ANKRD44: variants seen among roughly 807,000 people sequenced by gnomAD.
ANKRD44 encodes the protein serine/threonine-protein phosphatase 6 regulatory ankyrin repeat subunit B.
A neutral mutation model predicts 116.0 loss-of-function variants in ANKRD44; 35 were observed. The ratio of observed to expected loss-of-function variants is 0.30; its 90% CI spans 0.23 to 0.40. The LOEUF is 0.40. ANKRD44 is among the 10% of genes least tolerant of loss of function. The pLI is 1.00. For synonymous variants in ANKRD44, 435 were observed against 461.8 expected, an observed-to-expected ratio of 0.94 and a Z score of 0.74; for missense variants, 1,014 against 1,242.6, an observed-to-expected ratio of 0.82 and a Z score of 2.77.
chr2:197,155,751 G>A (rs952411820), intron 2 of ANKRD44, among the ~76,000 whole-genome samples: 10 of 152,150 alleles, frequency 6.6e-5, no homozygotes, highest in African/African-American at 2.4e-4. Context: ...TTCACCTTGG[G>A]TTAAGCAAAG....
intron 17 of ANKRD44, among the ~76,000 whole-genome samples, chr2:197,021,010 A>C (rs975767251): frequency 4.0e-5 from 6 of 151,556 alleles, no homozygotes; most frequent in Admixed American, 2.6e-4. Context: ...AAGTGTTTTC[A>C]TTGTTCAGTT....
At chr2:196,976,651 G>A (rs1262150977) in intron 21 of ANKRD44, among the ~76,000 whole-genome samples, 1 of 152,116 alleles carries the variant, frequency 6.6e-6, no homozygotes, top group African/African-American at 2.4e-5. Context: ...TGGATTGCTT[G>A]AGCCCAGGAG....
At position 197,186,736 on chromosome 2, in the gene ANKRD44, T is replaced by C. The variant is rs547098925; in HGVS notation, c.111+287A>G. Among the ~76,000 whole-genome samples, 236 of 144,802 alleles carry C rather than the reference T, an allele frequency of 1.6e-3. 1 individual carries two copies. The highest frequency in any genetic ancestry group is 5.5e-3 in the African/African-American group (225 of 40,580). 95.0% of individuals were successfully genotyped at this position (144,802 alleles called of 152,430 possible). On this transcript the variant is annotated intron_variant, in intron 2 of 27. Transcript: ENST00000282272. ...TCAGCCTCCCAAAATTCTGGGATTATAGGCATGAACCACTGCGCCCAGCCT... is the reference window on the plus strand; with the variant it reads ...TCAGCCTCCCAAAATTCTGGGATTACAGGCATGAACCACTGCGCCCAGCCT...
At chr2:196,973,000 G>T (rs187351872) in intron 21 of ANKRD44, among the ~76,000 whole-genome samples, 37 of 152,194 alleles carry the variant, frequency 2.4e-4, no homozygotes, top group African/African-American at 7.9e-4. Context: ...TAAAATAAAG[G>T]TGCATCCTTC....
At chr2:197,025,336 A>G in intron 16 of ANKRD44, 69 bp from the exon 17 acceptor site, 1 of 1,286,672 alleles carries the variant, frequency 7.8e-7, no homozygotes, top group Non-Finnish European at 1.1e-6. Context: ...TAAATGAGAA[A>G]AGAGGTTTCA....
At chr2:197,302,599 G>T (rs1481195643) in intron 1 of ANKRD44, 1 of 152,142 alleles carries the variant, frequency 6.6e-6, no homozygotes, top group East Asian at 1.9e-4. Flanking sequence ...CACAATAATT[G>T]GTTGGTTGAT....
intron 4 of ANKRD44, 161 bp downstream of exon 4, chr2:197,136,431 G>T: frequency 1.5e-6 from 1 of 661,752 alleles, no homozygotes; most frequent in Non-Finnish European, 2.7e-6. Context: ...ACTATGTCTG[G>T]CACACAGGAG....
chr2:197,215,157 T>A (rs988843292), intron 1 of ANKRD44, among the ~76,000 whole-genome samples: 24 of 151,986 alleles, frequency 1.6e-4, no homozygotes, highest in Non-Finnish European at 1.6e-4. Flanking sequence ...ATTACAGGAG[T>A]CAGCCACCAT....
intron 8 of ANKRD44, among the ~76,000 whole-genome samples, chr2:197,112,628 A>G (rs963968149): frequency 1.3e-5 from 2 of 151,854 alleles, no homozygotes; most frequent in Admixed American, 6.6e-5. Flanking sequence ...GAATGGCGTG[A>G]ACCCGGGAGG....
At chr2:196,967,624 C>A (rs529524411) in intron 21 of ANKRD44, among the ~76,000 whole-genome samples, 1 of 152,270 alleles carries the variant, frequency 6.6e-6, no homozygotes, top group South Asian at 2.1e-4. Context: ...CCGGTACAAA[C>A]TAGTTCTTTA....
At chr2:197,307,690 T>C (rs80187781) in intron 1 of ANKRD44, among the ~76,000 whole-genome samples, 1,602 of 152,250 alleles carry the variant, frequency 0.011, 11 homozygotes, top group African/African-American at 0.018. Context: ...ACTGCTGAAG[T>C]AGTGTCTGCT....
chr2:197,006,040 C>T (rs977411484), intron 20 of ANKRD44, 130 bp from the exon 21 acceptor site: 23 of 795,176 alleles, frequency 2.9e-5, no homozygotes, highest in Non-Finnish European at 4.5e-5. Context: ...AGACTCTGTC[C>T]TATTTCAAGG....
chr2:197,059,557 G>A (rs1334305025), intron 16 of ANKRD44, among the ~76,000 whole-genome samples: 1 of 152,182 alleles, frequency 6.6e-6, no homozygotes, highest in Non-Finnish European at 1.5e-5. Flanking sequence ...ATTAAAAGAA[G>A]CAGCACAGAT....
chr2:197,210,729 G>T (rs560778215), intron 1 of ANKRD44, among the ~76,000 whole-genome samples: 179 of 152,298 alleles, frequency 1.2e-3, no homozygotes, highest in African/African-American at 4.0e-3. Flanking sequence ...AATGGCATGT[G>T]TCATCCTCCT....
Position 196,989,513 on chromosome 2 carries a change from C to CAT in ANKRD44, c.*77_*78insAT. 6.9e-7 allele frequency: 1 copy of CAT among 1,447,272 alleles called. No individual in the cohort carries two copies. The highest frequency in any genetic ancestry group is 9.2e-7 in the Non-Finnish European group (1 of 1,091,890). 89.7% of individuals were successfully genotyped at this position (1,447,272 alleles called of 1,614,324 possible). On this transcript the variant is annotated 3_prime_UTR_variant, in exon 28 of 28. Coordinates refer to ENST00000282272, the MANE Select transcript of ANKRD44 (RefSeq NM_001195144.2). ...ATGTGTAGCTGGCTGATGAACTACA[C>CAT]ACACACACACATATATATATATATA...
chr2:197,010,501 G>A (rs6434898), intron 18 of ANKRD44, among the ~76,000 whole-genome samples: 11,954 of 152,234 alleles, frequency 0.079, 606 homozygotes, highest in African/African-American at 0.14. Flanking sequence ...CGGCTGGGGC[G>A]GGAGCACTGG....
chr2:197,304,771 C>T (rs2084019140), intron 1 of ANKRD44, among the ~76,000 whole-genome samples: 1 of 152,238 alleles, frequency 6.6e-6, no homozygotes, highest in Non-Finnish European at 1.5e-5. Context: ...GGATCCTTGA[C>T]TGCAAGAGTC....
chr2:197,093,114 A>ACACC (rs1553506074), intron 10 of ANKRD44, among the ~76,000 whole-genome samples: 3 of 151,834 alleles, frequency 2.0e-5, no homozygotes, highest in Non-Finnish European at 2.9e-5. Context: ...ACACACACAC[A>ACACC]CACACACACA....
Position 197,038,362 on chromosome 2 carries a change from A to G in ANKRD44, c.1651-13095T>C, listed in dbSNP as rs575109722. ...AAGTCTTATAATAACAAAAACACCA[A>G]CCAACCAATCAATCAGCAAAACAAG... On this transcript the variant is annotated intron_variant, in intron 16 of 27. Transcript: ENST00000282272. Among the ~76,000 whole-genome samples, 8 of 152,300 alleles carry G rather than the reference A, an allele frequency of 5.3e-5. No homozygotes were observed. In the East Asian group the frequency reaches 1.5e-3, roughly 29 times the overall value.
Sources: gnomAD v4.1 joint callset for allele counts (sites outside exome capture counted in the v4.1 genomes callset) on GRCh38, gnomAD v4.1.1 for gene constraint, MANE v1.5 for transcripts, NCBI Gene and HGNC (gene_info 2026-07-23, HGNC 2026-07-21) for gene names.